JARID2: variants seen among roughly 807,000 people sequenced by gnomAD.
JARID2 encodes the protein jumonji and AT-rich interaction domain containing 2, also known as protein Jumonji.
A neutral mutation model predicts 125.6 loss-of-function variants in JARID2; 21 were observed. The observed-to-expected ratio is 0.17, with a 90% CI of 0.12 to 0.24. JARID2 has a LOEUF of 0.24. Among genes scored for constraint, JARID2 ranks in the 10% least tolerant of loss-of-function variants. The pLI, the probability that JARID2 is intolerant of heterozygous loss-of-function variation, is 1.00. For missense variants in JARID2, 1,303 were observed against 1,639.6 expected, an observed-to-expected ratio of 0.79 and a Z score of 3.55; for synonymous variants, 736 against 661.6, an observed-to-expected ratio of 1.11 and a Z score of -1.73.
intron 1 of JARID2, among the ~76,000 whole-genome samples, chr6:15,259,766 A>T (rs1454642982): frequency 7.9e-5 from 12 of 152,030 alleles, no homozygotes; most frequent in Admixed American, 7.9e-4. Flanking sequence ...CATTTTTTTG[A>T]TGGGGGTTAC....
rs1469826459 is a variant in JARID2 at position 15,343,155 on chromosome 6, G to T, written c.46-30962G>T. Among the ~76,000 whole-genome samples the T allele has an allele frequency of 2.6e-5, 4 of 151,332 alleles. No homozygotes were observed. The South Asian group carries it at 8.4e-4, about 32-fold the overall frequency. ...GAGGCAGGAGAAGCACTTGAACTCG[G>T]GAGGTGGAGGTTGCAGTGAGCCGAG... On this transcript the variant is annotated intron_variant, in intron 1 of 17. Coordinates refer to ENST00000341776, the MANE Select transcript of JARID2 (RefSeq NM_004973.4).
rs991027762 is a variant in JARID2, at chr6:15,395,851, G to C, written c.182-14373G>C. ...GGCTAATTTGTTGTACTTTAGTAGA[G>C]ACAGGGTTTCATCATGTTGGCCAGG... is the stretch of plus-strand genomic sequence containing the variant. On this transcript the variant is annotated intron_variant, in intron 2 of 17. Coordinates refer to ENST00000341776, the MANE Select transcript of JARID2 (RefSeq NM_004973.4). 2.0e-5 allele frequency among the ~76,000 whole-genome samples: 3 copies of C among 151,940 alleles called. No individual in the cohort carries two copies. In the South Asian group the frequency reaches 6.2e-4, roughly 32 times the overall value.
chr6:15,487,332 A>G lies in JARID2; in HGVS notation c.696A>G (p.Thr232=). 6.2e-7 allele frequency: 1 copy of G among 1,614,148 alleles called. No individual in the cohort carries two copies. The highest frequency in any genetic ancestry group is 8.5e-7 in the Non-Finnish European group (1 of 1,180,006). Reference sequence around the variant, plus strand: ...TTTTCAATGGTTCCAGCAGGTCAACACGGGAGAAGGAACCTGTTCAAAAAC... The same window carrying G: ...TTTTCAATGGTTCCAGCAGGTCAACGCGGGAGAAGGAACCTGTTCAAAAAC... ...GHVFNGSSRS[T]REKEPVQKHK... is the part of the protein sequence containing the mutation. The change falls in exon 6 of 18, where the codon ACA becomes ACG. Residue 232 remains threonine (T), a synonymous_variant. Coordinates refer to ENST00000341776, the MANE Select transcript of JARID2 (RefSeq NM_004973.4).
rs201274228 is a variant in JARID2 at position 15,511,292 on chromosome 6, C to T, written c.2847-4C>T. The T allele has an allele frequency of 5.6e-5, 89 of 1,603,310 alleles. No individual in the cohort carries two copies. In the East Asian group the frequency reaches 1.9e-3, roughly 34 times the overall value. On this transcript the variant is annotated splice_polypyrimidine_tract_variant and splice_region_variant and intron_variant, in intron 12 of 17. Coordinates refer to ENST00000341776, the MANE Select transcript of JARID2 (RefSeq NM_004973.4). ...CTTGTCTCTTGTGTCTCTCAATGAC[C>T]CAGGTATTGCATTCCTGCTGAGGAG...
intron 5 of JARID2, among the ~76,000 whole-genome samples, chr6:15,480,717 A>G (rs921141437): frequency 2.0e-5 from 3 of 152,322 alleles, no homozygotes; most frequent in Middle Eastern, 3.4e-3. Context: ...TATTCAAAAT[A>G]CTTCAGCAAG....
intron 1 of JARID2, among the ~76,000 whole-genome samples, chr6:15,361,745 T>G (rs566353706): frequency 2.0e-4 from 30 of 152,180 alleles, no homozygotes; most frequent in Middle Eastern, 3.4e-3. Context: ...GAAACCTCAT[T>G]CTGCATAAAG....
intron 1 of JARID2, among the ~76,000 whole-genome samples, chr6:15,348,583 A>G (rs1339197007): frequency 6.6e-6 from 1 of 152,236 alleles, no homozygotes; most frequent in African/African-American, 2.4e-5. Context: ...CTAGAAGTTA[A>G]CTTGTGGGTT....
intron 3 of JARID2, among the ~76,000 whole-genome samples, chr6:15,429,263 G>T (rs1581551851): frequency 6.6e-6 from 1 of 151,198 alleles, no homozygotes; most frequent in African/African-American, 2.4e-5. Flanking sequence ...TCTTTTTCTT[G>T]TTCTTTTTTT....
chr6:15,506,181 C>A (rs1488922995), intron 9 of JARID2, among the ~76,000 whole-genome samples: 1 of 152,206 alleles, frequency 6.6e-6, no homozygotes, highest in Non-Finnish European at 1.5e-5. Flanking sequence ...GGCTGGTGGA[C>A]AGCCCCTGGA....
At chr6:15,260,868 G>A (rs1759845859) in intron 1 of JARID2, among the ~76,000 whole-genome samples, 1 of 152,152 alleles carries the variant, frequency 6.6e-6, no homozygotes, top group African/African-American at 2.4e-5. Flanking sequence ...CTCTAATTAA[G>A]CGATGTGATC....
At chr6:15,418,453 ATCGCCCGCCTCGTCC>A (rs1008336613) in intron 3 of JARID2, among the ~76,000 whole-genome samples, 2 of 152,126 alleles carry the variant, frequency 1.3e-5, no homozygotes, top group Non-Finnish European at 2.9e-5. Flanking sequence ...TAACCTCGTG[ATCGCCCGCCTCGTCC>A]TCCCAGAGTT....
At position 15,487,399 on chromosome 6, in the gene JARID2, G is replaced by A. The variant is rs762951513; in HGVS notation, c.763G>A (p.Asp255Asn). Reference sequence around the variant, plus strand: ...CACTCCCGCAAAGGAGAAGCACAGCGATCACCGGGCTGACAGCCGCCGGGA... The same window carrying A: ...CACTCCCGCAAAGGAGAAGCACAGCAATCACCGGGCTGACAGCCGCCGGGA... The part of the protein sequence containing the change: ...EATPAKEKHS[D>N]HRADSRREQA... The change falls in exon 6 of 18, where the codon GAT becomes AAT. Residue 255 changes from aspartate (D) to asparagine (N), a missense_variant. Physicochemically the swap from Asp to Asn is conservative, Grantham distance 23. Coordinates refer to ENST00000341776, the MANE Select transcript of JARID2 (RefSeq NM_004973.4). 6.8e-6 allele frequency: 11 copies of A among 1,614,116 alleles called. No homozygotes were observed. Among genetic ancestry groups the A allele is most frequent in the East Asian group, 2.2e-5 (1 of 44,902 alleles).
intron 1 of JARID2, among the ~76,000 whole-genome samples, chr6:15,285,601 A>T (rs564458919): frequency 6.6e-6 from 1 of 152,300 alleles, no homozygotes; most frequent in African/African-American, 2.4e-5. Flanking sequence ...AGTTAAACCC[A>T]GATAGAGGGT....
intron 11 of JARID2, 124 bp from the exon 12 acceptor site, chr6:15,508,216 C>T (rs1771103255): frequency 1.6e-6 from 1 of 641,748 alleles, no homozygotes; most frequent in Non-Finnish European, 2.9e-6. Context: ...TGTCTTTTGT[C>T]TGGCTTTGAG....
In JARID2 at chr6:15,521,960, GTTTT is replaced by G. The variant is rs1291133862; in HGVS notation, c.*1712_*1715del. 6.6e-6 allele frequency: 1 copy of G among 152,190 alleles called. No homozygotes were observed. Among genetic ancestry groups the G allele is most frequent in the Non-Finnish European group, 1.5e-5 (1 of 68,026 alleles). 9.4% of individuals were successfully genotyped at this position (152,190 alleles called of 1,614,324 possible). ...GGAGACTTCATGTGGTTTATTGCGA[GTTTT>G]TTGTTTACTTTTCAGGTTTGTACTA... On this transcript the variant is annotated 3_prime_UTR_variant, in exon 18 of 18. Coordinates refer to ENST00000341776, the MANE Select transcript of JARID2 (RefSeq NM_004973.4).
At chr6:15,458,348 G>T (rs1273844226) in intron 4 of JARID2, among the ~76,000 whole-genome samples, 1 of 152,200 alleles carries the variant, frequency 6.6e-6, no homozygotes, top group Admixed American at 6.5e-5. Context: ...TACATACACA[G>T]TTCATTCCTA....
At chr6:15,407,725 G>A (rs1239132813) in intron 2 of JARID2, among the ~76,000 whole-genome samples, 1 of 152,050 alleles carries the variant, frequency 6.6e-6, no homozygotes, top group Non-Finnish European at 1.5e-5. Context: ...CAAGCTTGCC[G>A]GCTGGCTCCA....
At chr6:15,466,317 T>C (rs1344445334) in intron 4 of JARID2, among the ~76,000 whole-genome samples, 1 of 152,224 alleles carries the variant, frequency 6.6e-6, no homozygotes, top group African/African-American at 2.4e-5. Context: ...CACAAGAACC[T>C]GCTGTTTTTA....
At chr6:15,271,330 G>T (rs1028868074) in intron 1 of JARID2, among the ~76,000 whole-genome samples, 2 of 152,152 alleles carry the variant, frequency 1.3e-5, no homozygotes, top group African/African-American at 4.8e-5. Flanking sequence ...CTAGGATTCT[G>T]CATTCTAACA....
Sources: allele counts gnomAD v4.1 joint callset (sites outside exome capture counted in the v4.1 genomes callset), GRCh38; gene constraint gnomAD v4.1.1; transcripts MANE v1.5; gene names NCBI Gene and HGNC (gene_info 2026-07-23, HGNC 2026-07-21).